Variants in CCDC148 observed in about 807,000 individuals in gnomAD.
CCDC148 encodes coiled-coil domain containing 148.
A neutral mutation model predicts 85.7 loss-of-function variants in CCDC148; 89 were observed. The observed-to-expected ratio is 1.04, with a 90% CI of 0.87 to 1.24. The LOEUF (loss-of-function observed/expected upper bound fraction) is 1.24, where lower values mean the gene tolerates loss of function less well. CCDC148 is among the 50% of genes most tolerant of loss of function. CCDC148 has a pLI of 0.00. For missense variants in CCDC148, 692 were observed against 671.7 expected, an observed-to-expected ratio of 1.03 and a Z score of -0.33; for synonymous variants, 230 against 213.9, an observed-to-expected ratio of 1.08 and a Z score of -0.66.
At chr2:158,451,871 AT>A (rs1312839645) in intron 1 of CCDC148, among the ~76,000 whole-genome samples, 2 of 152,164 alleles carry the variant, frequency 1.3e-5, no homozygotes, top group African/African-American at 4.8e-5. Context: ...AAATATTTGC[AT>A]AATTTGTAAA....
chr2:158,210,768 C>T (rs1187749801), intron 11 of CCDC148, among the ~76,000 whole-genome samples: 3 of 131,194 alleles, frequency 2.3e-5, no homozygotes, highest in Admixed American at 8.2e-5. Flanking sequence ...ATGCTGAAAC[C>T]GTGTCTCTAC....
intron 3 of CCDC148, 71 bp from the exon 4 acceptor site, chr2:158,340,751 A>G (rs994028185): frequency 2.3e-6 from 2 of 875,154 alleles, no homozygotes; most frequent in Admixed American, 2.8e-5. Context: ...AAATAACCAA[A>G]GAGATATTTA....
chr2:158,250,156 A>C (rs556622677), intron 10 of CCDC148, among the ~76,000 whole-genome samples: 3 of 152,094 alleles, frequency 2.0e-5, no homozygotes, highest in African/African-American at 7.2e-5. Flanking sequence ...ATATATTTAA[A>C]ACAAAACAAC....
At chr2:158,326,216 G>A (rs1300091647) in intron 7 of CCDC148, among the ~76,000 whole-genome samples, 1 of 152,074 alleles carries the variant, frequency 6.6e-6, no homozygotes, top group African/African-American at 2.4e-5. Flanking sequence ...AACATTGACT[G>A]GAATATTTTT....
chr2:158,377,455 C>T (rs796950477), intron 1 of CCDC148, among the ~76,000 whole-genome samples: 53 of 152,110 alleles, frequency 3.5e-4, no homozygotes, highest in African/African-American at 1.2e-3. Flanking sequence ...CAGTCAAAAA[C>T]ATGCAAATTA....
intron 1 of CCDC148, among the ~76,000 whole-genome samples, chr2:158,399,853 C>T (rs1236084878): frequency 1.3e-5 from 2 of 151,572 alleles, no homozygotes; most frequent in Non-Finnish European, 3.0e-5. Flanking sequence ...TTGCAGATGA[C>T]ATGATTGTAT....
chr2:158,219,667 A>G (rs550665375), intron 11 of CCDC148, among the ~76,000 whole-genome samples: 1 of 152,304 alleles, frequency 6.6e-6, no homozygotes, highest in South Asian at 2.1e-4. Flanking sequence ...AAGCATCTCA[A>G]TAATTGGCTT....
intron 9 of CCDC148, among the ~76,000 whole-genome samples, chr2:158,264,163 TA>T (rs1689354382): frequency 6.6e-6 from 1 of 151,904 alleles, no homozygotes; most frequent in Admixed American, 6.6e-5. Flanking sequence ...CAGAGTATGA[TA>T]AAAGTGATTA....
intron 2 of CCDC148, among the ~76,000 whole-genome samples, chr2:158,350,828 A>G (rs1683227831): frequency 6.6e-6 from 1 of 152,206 alleles, no homozygotes; most frequent in Non-Finnish European, 1.5e-5. Context: ...GTTATATAAA[A>G]TATACGTTAA....
At chr2:158,406,629 T>TTTTTTTTTTTTGTTTTTG (rs1686032101) in intron 1 of CCDC148, among the ~76,000 whole-genome samples, 3 of 117,486 alleles carry the variant, frequency 2.6e-5, no homozygotes, top group South Asian at 2.7e-4. Context: ...TTTTTTTTTT[T>TTTTTTTTTTTTGTTTTTG]TTTTTTTTTT....
intron 10 of CCDC148, among the ~76,000 whole-genome samples, chr2:158,245,636 C>T (rs1479454950): frequency 6.6e-6 from 1 of 152,178 alleles, no homozygotes; most frequent in Non-Finnish European, 1.5e-5. Flanking sequence ...AACTAGGCAT[C>T]ATGCAGCAAC....
At chr2:158,255,187 A>C (rs1688961933) in intron 9 of CCDC148, among the ~76,000 whole-genome samples, 1 of 151,658 alleles carries the variant, frequency 6.6e-6, no homozygotes, top group Admixed American at 6.6e-5. Context: ...GCCTTCAGAA[A>C]CTAAATTGCT....
intron 1 of CCDC148, among the ~76,000 whole-genome samples, chr2:158,438,402 T>G (rs555450583): frequency 6.6e-6 from 1 of 152,306 alleles, no homozygotes; most frequent in South Asian, 2.1e-4. Context: ...TAAATGGTGC[T>G]GCAAAAACTG....
rs1684338018 is a variant in CCDC148 at position 158,171,984 on chromosome 2, G to A, written c.*129C>T. The A allele has an allele frequency of 2.9e-6, 2 of 690,738 alleles. No homozygotes were observed. Among genetic ancestry groups the A allele is most frequent in the Admixed American group, 3.3e-5 (1 of 30,438 alleles). The allele number at this position is 690,738 out of a possible 1,614,324, so 42.8% of individuals were successfully genotyped here. ...CTAAGAATCACAAAAGAAAGGCAAAGTTGTTTTAATAGATGCTATGATTTC... is the reference window on the plus strand; with the variant it reads ...CTAAGAATCACAAAAGAAAGGCAAAATTGTTTTAATAGATGCTATGATTTC... On this transcript the variant is annotated 3_prime_UTR_variant, in exon 14 of 14. Transcript: ENST00000283233.
intron 10 of CCDC148, among the ~76,000 whole-genome samples, chr2:158,224,397 T>C (rs965169515): frequency 4.6e-5 from 7 of 152,334 alleles, no homozygotes; most frequent in African/African-American, 1.7e-4. Flanking sequence ...CTCTGCAGGA[T>C]ATTATCCAGG....
intron 2 of CCDC148, among the ~76,000 whole-genome samples, chr2:158,346,553 A>T (rs1052889806): frequency 6.6e-6 from 1 of 152,024 alleles, no homozygotes; most frequent in African/African-American, 2.4e-5. Flanking sequence ...CTACATTAAA[A>T]ACCGCTCTAC....
chr2:158,377,295 A>G (rs1452720322), intron 1 of CCDC148, among the ~76,000 whole-genome samples: 1 of 151,778 alleles, frequency 6.6e-6, no homozygotes, highest in East Asian at 1.9e-4. Context: ...GGGGTGGGGT[A>G]CAAATTACCA....
chr2:158,440,910 G>C (rs753581573), intron 1 of CCDC148, among the ~76,000 whole-genome samples: 109 of 152,142 alleles, frequency 7.2e-4, no homozygotes, highest in Non-Finnish European at 1.1e-3. Flanking sequence ...GCCAGGCATA[G>C]TGGTGCACAC....
intron 11 of CCDC148, among the ~76,000 whole-genome samples, chr2:158,199,034 T>C (rs1685817602): frequency 6.6e-6 from 1 of 152,062 alleles, no homozygotes; most frequent in Non-Finnish European, 1.5e-5. Context: ...CATAAAGGGA[T>C]CTGCTTGAAA....
Sources: gnomAD v4.1 joint callset for allele counts (sites outside exome capture counted in the v4.1 genomes callset) on GRCh38, gnomAD v4.1.1 for gene constraint, MANE v1.5 for transcripts, NCBI Gene and HGNC (gene_info 2026-07-23, HGNC 2026-07-21) for gene names.